Variants in A4GALT observed in about 807,000 individuals in gnomAD.
A4GALT encodes the protein lactosylceramide 4-alpha-galactosyltransferase.
For missense variants in A4GALT, 512 were observed against 486.0 expected (o/e 1.05, Z -0.50); for synonymous variants, 257 against 220.7 (o/e 1.16, Z -1.46).
chr22:42,709,653 G>T (rs1921504210), intron 1 of A4GALT, among the ~76,000 whole-genome samples: 1 of 152,008 alleles, frequency 6.6e-6, no homozygotes, highest in East Asian at 1.9e-4. Flanking sequence ...AGCCCAGTGT[G>T]GTGGGGCACA....
chr22:42,703,006 G>A (rs1287241100), intron 1 of A4GALT, among the ~76,000 whole-genome samples: 1 of 114,886 alleles, frequency 8.7e-6, no homozygotes, highest in South Asian at 2.3e-4. Context: ...TCCGCTGGCC[G>A]CAGCACCTCT....
intron 1 of A4GALT, chr22:42,718,454 G>C (rs1922392057): frequency 6.6e-6 from 1 of 152,024 alleles, no homozygotes; most frequent in Non-Finnish European, 1.5e-5. Flanking sequence ...GTGGAGATGG[G>C]GGGTTTCACC....
chr22:42,710,562 T>C (rs944512100), intron 1 of A4GALT, among the ~76,000 whole-genome samples: 1 of 151,940 alleles, frequency 6.6e-6, no homozygotes, highest in Non-Finnish European at 1.5e-5. Context: ...TGGAGCATGG[T>C]GGTATGCACC....
rs1364381280 is a variant in A4GALT, at chr22:42,705,868, A to G, written c.-187-10237T>C. 2.5e-5 allele frequency among the ~76,000 whole-genome samples: 3 copies of G among 120,964 alleles called. 1 individual carries two copies. Among genetic ancestry groups the G allele is most frequent in the Non-Finnish European group, 5.7e-5 (3 of 52,298 alleles). 79.4% of individuals were successfully genotyped at this position (120,964 alleles called of 152,430 possible). ...AAATACAAAAATTACAGCCCGACCA[A>G]TATGGTGAAACCCTGTATCTACTAA... On this transcript the variant is annotated intron_variant, in intron 1 of 2. Coordinates refer to ENST00000642412, the MANE Select transcript of A4GALT (RefSeq NM_017436.7).
chr22:42,693,736 G>A lies in A4GALT; in HGVS notation c.216C>T (p.His72=), dbSNP rs370714857. The change falls in exon 3 of 3, where the codon CAC becomes CAT. Residue 72 remains histidine, a synonymous_variant. Coordinates refer to ENST00000642412, the MANE Select transcript of A4GALT (RefSeq NM_017436.7). ...AGAAGATGTTGCCTGGAGTGGGGCCGTGGGAGGGTGGGGTGGGGGGTGTCA... is the reference window on the plus strand; with the variant it reads ...AGAAGATGTTGCCTGGAGTGGGGCCATGGGAGGGTGGGGTGGGGGGTGTCA... The part of the protein sequence containing the change: ...PTLTPPTPPS[H]GPTPGNIFFL... 12 of 1,608,344 alleles carry A rather than the reference G, an allele frequency of 7.5e-6. No individual in the cohort carries two copies. Among genetic ancestry groups the A allele is most frequent in the Middle Eastern group, 1.6e-4 (1 of 6,064 alleles).
At chr22:42,706,206 T>A (rs531375763) in intron 1 of A4GALT, among the ~76,000 whole-genome samples, 1 of 147,122 alleles carries the variant, frequency 6.8e-6, no homozygotes, top group East Asian at 2.0e-4. Flanking sequence ...ATACAAAAAA[T>A]TAGCCAGGCG....
chr22:42,693,354 T>C lies in A4GALT; in HGVS notation c.598A>G (p.Asn200Asp), dbSNP rs1019748688. The stretch of plus-strand genomic sequence containing the variant: ...AGCACGTTGGTCAGGTTCCGCAGGT[T>C]CTTGAGAACAATGAAGTCCGTGTCC... ...YLDTDFIVLK[N>D]LRNLTNVLGT... The change falls in exon 3 of 3, where the codon AAC (asparagine) becomes GAC (aspartate). Residue 200 changes from asparagine to aspartate, a missense_variant. Asn to Asp is a conservative substitution (Grantham distance 23, BLOSUM62 1). Transcript: ENST00000642412. 2.5e-6 allele frequency: 4 copies of C among 1,613,100 alleles called. No individual in the cohort carries two copies. In the African/African-American group the frequency reaches 4.0e-5, roughly 16 times the overall value.
At chr22:42,702,626 C>T (rs1036652404) in intron 1 of A4GALT, among the ~76,000 whole-genome samples, 4 of 152,210 alleles carry the variant, frequency 2.6e-5, no homozygotes, top group Admixed American at 2.6e-4. Flanking sequence ...CGTGAGCCGC[C>T]GTGTCCGGCT....
chr22:42,693,014 G>A lies in A4GALT; in HGVS notation c.938C>T (p.Ala313Val), dbSNP rs868286111. 1 of 1,613,740 alleles carries A rather than the reference G, an allele frequency of 6.2e-7. No individual in the cohort carries two copies. The highest frequency in any genetic ancestry group is 8.5e-7 in the Non-Finnish European group (1 of 1,179,980). ...GCTCTTCTTGTTCCACACGTGGACA[G>A]CATAGGTGGCACTGAGCAGCCGCGG... Reference protein sequence around the residue: ...ELPRLLSATYAVHVWNKKSQG... With the variant: ...ELPRLLSATYVVHVWNKKSQG... The change falls in exon 3 of 3, where the codon GCT becomes GTT. Residue 313 changes from alanine (A) to valine (V), a missense_variant. Ala to Val is a moderately conservative substitution (Grantham distance 64, BLOSUM62 0). Transcript: ENST00000642412.
At chr22:42,706,279 C>T (rs1205415609) in intron 1 of A4GALT, among the ~76,000 whole-genome samples, 4 of 136,866 alleles carry the variant, frequency 2.9e-5, no homozygotes, top group Admixed American at 1.6e-4. Context: ...GGTGTGAACC[C>T]GGGAGGCAGA....
chr22:42,710,183 G>A (rs5751347), intron 1 of A4GALT, among the ~76,000 whole-genome samples: 4 of 151,850 alleles, frequency 2.6e-5, no homozygotes, highest in African/African-American at 4.8e-5. Flanking sequence ...GAAAGAAAAC[G>A]CAATAGAAAT....
At position 42,693,134 on chromosome 22, in the gene A4GALT, C is replaced by T. The variant is rs1254381951; in HGVS notation, c.818G>A (p.Cys273Tyr). 2 of 1,605,818 alleles carry T rather than the reference C, an allele frequency of 1.2e-6. No homozygotes were observed. Among genetic ancestry groups the T allele is most frequent in the Middle Eastern group, 1.7e-4 (1 of 6,056 alleles). ...SIRSLAESRA[C>Y]RGVTTLPPEA... ...AGGGGGCAGGGTGGTGACGCCGCGG[C>T]AGGCGCGGCTCTCGGCCAGGCTGCG... The change falls in exon 3 of 3, where the codon TGC becomes TAC. Residue 273 changes from cysteine to tyrosine, a missense_variant. Cys to Tyr is a radical substitution (Grantham distance 194). Transcript: ENST00000642412.
intron 1 of A4GALT, among the ~76,000 whole-genome samples, chr22:42,702,443 G>A (rs1199088854): frequency 6.6e-6 from 1 of 151,812 alleles, no homozygotes; most frequent in Non-Finnish European, 1.5e-5. Flanking sequence ...CCGGGTTCAA[G>A]CGATTCTCTT....
chr22:42,696,444 A>G (rs1930943438), intron 1 of A4GALT, among the ~76,000 whole-genome samples: 1 of 150,544 alleles, frequency 6.6e-6, no homozygotes, highest in African/African-American at 2.5e-5. Flanking sequence ...AAAAAAAAAG[A>G]AAAAAGGAAA....
Position 42,703,067 on chromosome 22 carries a change from G to C in A4GALT, c.-187-7436C>G, listed in dbSNP as rs1017967462. On this transcript the variant is annotated intron_variant, in intron 1 of 2. Coordinates refer to ENST00000642412, the MANE Select transcript of A4GALT (RefSeq NM_017436.7). ...GCACATGCTGCCCTGCTGTGTGTGT[G>C]TGTGTGTGTGTGTGTGTGAGAGAGA... 3.3e-5 allele frequency among the ~76,000 whole-genome samples: 5 copies of C among 150,796 alleles called. 1 individual carries two copies. Among genetic ancestry groups the C allele is most frequent in the African/African-American group, 1.2e-4 (5 of 40,930 alleles).
chr22:42,698,496 G>A (rs1214758648), intron 1 of A4GALT, among the ~76,000 whole-genome samples: 2 of 152,210 alleles, frequency 1.3e-5, no homozygotes, highest in Admixed American at 6.5e-5. Flanking sequence ...GTCCAGCCCA[G>A]CTCAGCCTAG....
At chr22:42,717,519 C>G (rs769996358) in intron 1 of A4GALT, among the ~76,000 whole-genome samples, 1 of 152,130 alleles carries the variant, frequency 6.6e-6, no homozygotes, top group East Asian at 1.9e-4. Flanking sequence ...CTCACCAGCC[C>G]GGGAGGATCC....
In A4GALT at chr22:42,693,534, G is replaced by A. The variant is rs1418757198; in HGVS notation, c.418C>T (p.Gln140Ter). 1.9e-6 allele frequency: 3 copies of A among 1,613,408 alleles called. No homozygotes were observed. In the East Asian group the frequency reaches 6.7e-5, roughly 36 times the overall value. ...TCCCGCAGGTCCAGCGGGAGCATCT[G>A]GACATTCGGGAAGCAGCTCAGAAGT... ...ISLLSCFPNV[Q>*]MLPLDLRELF... The change falls in exon 3 of 3, where the codon CAG becomes TAG. Residue 140 changes from glutamine to a stop codon, truncating the protein, a stop_gained. Coordinates refer to ENST00000642412, the MANE Select transcript of A4GALT (RefSeq NM_017436.7). LOFTEE classifies it low-confidence loss of function (END_TRUNC).
At chr22:42,699,904 A>G (rs1044226329) in intron 1 of A4GALT, among the ~76,000 whole-genome samples, 2 of 152,198 alleles carry the variant, frequency 1.3e-5, no homozygotes, top group African/African-American at 4.8e-5. Flanking sequence ...AACCCTGAGT[A>G]GAAGGAAAGG....
Sources: gnomAD v4.1 joint callset for allele counts (sites outside exome capture counted in the v4.1 genomes callset) on GRCh38, gnomAD v4.1.1 for gene constraint, MANE v1.5 for transcripts, NCBI Gene and HGNC (gene_info 2026-07-23, HGNC 2026-07-21) for gene names.